The following IQCJ variants were observed in gnomAD, a reference collection of about 807,000 sequenced individuals.
The protein encoded by IQCJ is IQ motif containing J.
A neutral mutation model predicts 11.0 loss-of-function variants in IQCJ; 9 were observed. The observed-to-expected ratio is 0.82, with a 90% CI of 0.49 to 1.43. The LOEUF (loss-of-function observed/expected upper bound fraction) is 1.43, where lower values mean the gene tolerates loss of function less well. Among genes scored for constraint, IQCJ ranks in the 40% most tolerant of loss-of-function variants. IQCJ has a pLI of 0.00. For synonymous variants in IQCJ, 55 were observed against 51.3 expected (o/e 1.07, Z -0.31); for missense variants, 146 against 133.2 (o/e 1.10, Z -0.47).
chr3:159,155,399 C>A (rs931744316), intron 1 of IQCJ, among the ~76,000 whole-genome samples: 1 of 152,194 alleles, frequency 6.6e-6, no homozygotes, highest in African/African-American at 2.4e-5. Context: ...CTCAAGTAAT[C>A]CACTTGCCTC....
At chr3:159,143,205 G>A (rs1720729300) in intron 1 of IQCJ, among the ~76,000 whole-genome samples, 1 of 152,178 alleles carries the variant, frequency 6.6e-6, no homozygotes, top group African/African-American at 2.4e-5. Context: ...ATCTTTGGTA[G>A]CAATGCTTAT....
Position 159,255,164 on chromosome 3 carries a change from A to T in IQCJ, c.155+2357A>T, listed in dbSNP as rs112797031. Reference sequence around the variant, plus strand: ...ACAGGCTTTCTCTTAGGGTCTTTTGACTTCTTTTGGTGGGGACCAACTGAG... The same window carrying T: ...ACAGGCTTTCTCTTAGGGTCTTTTGTCTTCTTTTGGTGGGGACCAACTGAG... On this transcript the variant is annotated intron_variant, in intron 3 of 3. Transcript: ENST00000397832. 2.5e-3 allele frequency among the ~76,000 whole-genome samples: 383 copies of T among 152,136 alleles called. 1 individual carries two copies. Among genetic ancestry groups the T allele is most frequent in the African/African-American group, 8.6e-3 (358 of 41,508 alleles).
At chr3:159,248,059 T>G (rs1016519226) in intron 2 of IQCJ, among the ~76,000 whole-genome samples, 1 of 152,240 alleles carries the variant, frequency 6.6e-6, no homozygotes, top group African/African-American at 2.4e-5. Context: ...TTGGGTCTGA[T>G]GCCTCTTTCT....
chr3:159,178,447 C>A (rs1404017891), intron 1 of IQCJ, among the ~76,000 whole-genome samples: 1 of 152,168 alleles, frequency 6.6e-6, no homozygotes, highest in Non-Finnish European at 1.5e-5. Context: ...AGAAGTCATT[C>A]CTGATGGGAA....
intron 1 of IQCJ, among the ~76,000 whole-genome samples, chr3:159,159,215 C>A (rs1025920534): frequency 1.8e-4 from 27 of 152,104 alleles, no homozygotes; most frequent in African/African-American, 6.0e-4. Flanking sequence ...TGGTACCTGG[C>A]TATGGGGTAA....
intron 3 of IQCJ, among the ~76,000 whole-genome samples, chr3:159,259,933 A>G (rs914079604): frequency 3.9e-5 from 6 of 152,234 alleles, no homozygotes; most frequent in African/African-American, 1.4e-4. Flanking sequence ...GTTTTCACAT[A>G]TGTGGATGAC....
At chr3:159,126,919 G>C (rs1280732108) in intron 1 of IQCJ, among the ~76,000 whole-genome samples, 1 of 152,182 alleles carries the variant, frequency 6.6e-6, no homozygotes, top group African/African-American at 2.4e-5. Context: ...GCAAGCCAAA[G>C]ACCAATGACT....
intron 1 of IQCJ, among the ~76,000 whole-genome samples, chr3:159,163,908 C>T (rs912985311): frequency 2.3e-4 from 35 of 150,716 alleles, no homozygotes; most frequent in Admixed American, 3.3e-4. Flanking sequence ...CATATGTGTA[C>T]CAGGCAGAGA....
At chr3:159,239,763 T>C (rs1726805162) in intron 1 of IQCJ, among the ~76,000 whole-genome samples, 1 of 152,220 alleles carries the variant, frequency 6.6e-6, no homozygotes, top group African/African-American at 2.4e-5. Flanking sequence ...CAATACAATA[T>C]TTTTACTGTA....
chr3:159,179,458 T>TA (rs1231920150), intron 1 of IQCJ, among the ~76,000 whole-genome samples: 4 of 152,148 alleles, frequency 2.6e-5, no homozygotes, highest in Non-Finnish European at 4.4e-5. Context: ...GAAGGACTGG[T>TA]AGCAATATTG....
intron 1 of IQCJ, among the ~76,000 whole-genome samples, chr3:159,171,387 G>A (rs1225086049): frequency 6.6e-6 from 1 of 152,316 alleles, no homozygotes; most frequent in South Asian, 2.1e-4. Context: ...TATCCAAAGA[G>A]CCCATGAGTG....
In IQCJ at chr3:159,255,485, G is replaced by A. The variant is rs542402808; in HGVS notation, c.155+2678G>A. 1.2e-4 allele frequency among the ~76,000 whole-genome samples: 19 copies of A among 152,330 alleles called. No individual in the cohort carries two copies. In the South Asian group the frequency reaches 3.1e-3, roughly 25 times the overall value. ...GAATAGCAGGAAAGGGTCTCAGATGGTTCCTCGTACTCAGGACATCGTGAA... is the reference window on the plus strand; with the variant it reads ...GAATAGCAGGAAAGGGTCTCAGATGATTCCTCGTACTCAGGACATCGTGAA... On this transcript the variant is annotated intron_variant, in intron 3 of 3. Transcript: ENST00000397832.
chr3:159,198,064 C>T (rs943425455), intron 1 of IQCJ, among the ~76,000 whole-genome samples: 1 of 152,058 alleles, frequency 6.6e-6, no homozygotes, highest in African/African-American at 2.4e-5. Context: ...ACCCTGAGGC[C>T]ATGAATTTTA....
intron 1 of IQCJ, among the ~76,000 whole-genome samples, chr3:159,171,499 C>T (rs1007444124): frequency 1.3e-5 from 2 of 152,170 alleles, no homozygotes; most frequent in Non-Finnish European, 2.9e-5. Context: ...TTCTAACAGG[C>T]TCCCAGGTAA....
intron 1 of IQCJ, among the ~76,000 whole-genome samples, chr3:159,241,371 T>C (rs1577107154): frequency 6.6e-6 from 1 of 151,882 alleles, no homozygotes; most frequent in South Asian, 2.1e-4. Context: ...ATCGCACCAC[T>C]GTACTCCAGC....
At chr3:159,194,922 C>T (rs944256891) in intron 1 of IQCJ, among the ~76,000 whole-genome samples, 1 of 151,832 alleles carries the variant, frequency 6.6e-6, no homozygotes, top group Non-Finnish European at 1.5e-5. Flanking sequence ...ACCAGCCTGG[C>T]CAACATAGTG....
chr3:159,166,614 A>AC (rs1722179599), intron 1 of IQCJ, among the ~76,000 whole-genome samples: 1 of 152,140 alleles, frequency 6.6e-6, no homozygotes. Context: ...TGGGGATATT[A>AC]CCCTTTCTAG....
chr3:159,245,458 CTTTT>C (rs34153369), intron 1 of IQCJ, among the ~76,000 whole-genome samples: 1 of 113,054 alleles, frequency 8.8e-6, no homozygotes. Flanking sequence ...GTCCTGAATT[CTTTT>C]TTTTTTTTTT....
intron 1 of IQCJ, among the ~76,000 whole-genome samples, chr3:159,143,340 T>C (rs1720737218): frequency 6.6e-6 from 1 of 152,232 alleles, no homozygotes; most frequent in African/African-American, 2.4e-5. Context: ...GTTCTTTCTA[T>C]TCTTGAAGAG....
Sources: gnomAD v4.1 joint callset for allele counts (sites outside exome capture counted in the v4.1 genomes callset) on GRCh38, gnomAD v4.1.1 for gene constraint, MANE v1.5 for transcripts, NCBI Gene and HGNC (gene_info 2026-07-23, HGNC 2026-07-21) for gene names.